KAZN: variants seen among roughly 807,000 people sequenced by gnomAD.
KAZN encodes the protein kazrin.
Under a neutral mutation model 87.4 loss-of-function variants are expected in KAZN, and 40 were observed. The observed-to-expected ratio is 0.46, with a 90% CI of 0.36 to 0.60. KAZN has a LOEUF of 0.60. Among genes scored for constraint, KAZN ranks in the 20% least tolerant of loss-of-function variants. KAZN has a pLI of 0.00. For missense variants in KAZN, 898 were observed against 1,073.9 expected (o/e 0.84, Z 2.29); for synonymous variants, 466 against 458.3 (o/e 1.02, Z -0.22).
chr1:14,659,427 G>T (rs1245470625), intron 1 of KAZN, among the ~76,000 whole-genome samples: 2 of 152,030 alleles, frequency 1.3e-5, no homozygotes, highest in African/African-American at 2.4e-5. Context: ...ATGGGGGGAA[G>T]TATTGGGAAG....
At chr1:14,111,740 C>CTTTTTTTTT (rs68167208) in intron 1 of KAZN, among the ~76,000 whole-genome samples, 8 of 80,784 alleles carry the variant, frequency 9.9e-5, no homozygotes, top group African/African-American at 3.2e-4. Flanking sequence ...AGATTCTTTT[C>CTTTTTTTTT]TTTTTTTTTT....
At chr1:14,217,539 G>A (rs1257419148) in intron 2 of KAZN, among the ~76,000 whole-genome samples, 1 of 151,924 alleles carries the variant, frequency 6.6e-6, no homozygotes, top group Non-Finnish European at 1.5e-5. Context: ...AAGGATTTGA[G>A]GGAAAGTGAC....
chr1:14,810,221 C>T (rs901821752), intron 1 of KAZN, among the ~76,000 whole-genome samples: 29 of 152,108 alleles, frequency 1.9e-4, no homozygotes, highest in African/African-American at 7.0e-4. Flanking sequence ...GGCCGAGGTA[C>T]CTTAGAGGGC....
intron 1 of KAZN, among the ~76,000 whole-genome samples, chr1:14,676,473 C>T (rs1280711455): frequency 6.6e-6 from 1 of 152,152 alleles, no homozygotes; most frequent in Non-Finnish European, 1.5e-5. Context: ...ATGATGCTTG[C>T]TCTGTCCTCC....
Position 14,876,303 on chromosome 1 carries a change from C to T in KAZN, c.227-84381C>T, listed in dbSNP as rs72870370. Among the ~76,000 whole-genome samples the T allele has an allele frequency of 3.3e-3, 510 of 152,320 alleles. 3 individuals are homozygous for T. Among genetic ancestry groups the T allele is most frequent in the African/African-American group, 0.012 (483 of 41,554 alleles). ...GTGGTAGCTGCGTTTATTACATGCG[C>T]AAATGCAGCCAGCAGCCAGAATGAC... On this transcript the variant is annotated intron_variant, in intron 1 of 14. Coordinates refer to ENST00000376030, the MANE Select transcript of KAZN (RefSeq NM_201628.3).
intron 1 of KAZN, among the ~76,000 whole-genome samples, chr1:13,948,916 G>A (rs1273187160): frequency 2.0e-5 from 3 of 152,204 alleles, no homozygotes; most frequent in Non-Finnish European, 4.4e-5. Context: ...CTTGGCTAAG[G>A]TCACTCGGGT....
In KAZN at chr1:14,941,433, T is replaced by C. The variant is rs114684825; in HGVS notation, c.227-19251T>C. Among the ~76,000 whole-genome samples, 209 of 152,000 alleles carry C rather than the reference T, an allele frequency of 1.4e-3. 1 individual carries two copies. Among genetic ancestry groups the C allele is most frequent in the African/African-American group, 3.7e-3 (154 of 41,438 alleles). On this transcript the variant is annotated intron_variant, in intron 1 of 14. Coordinates refer to ENST00000376030, the MANE Select transcript of KAZN (RefSeq NM_201628.3). ...ATTACAAAAAAGAGGAGGGCAAAGA[T>C]GGAACAATACATTAACTGCCGACCA...
chr1:14,261,533 T>C (rs1255297462), intron 2 of KAZN, among the ~76,000 whole-genome samples: 2 of 152,154 alleles, frequency 1.3e-5, no homozygotes, highest in Non-Finnish European at 2.9e-5. Context: ...ACCAAGTTGC[T>C]GCTTTACCTG....
At chr1:14,819,055 CA>C (rs891473866) in intron 1 of KAZN, among the ~76,000 whole-genome samples, 17 of 151,198 alleles carry the variant, frequency 1.1e-4, no homozygotes, top group Non-Finnish European at 2.4e-4. Flanking sequence ...AACTCTGTCT[CA>C]AAAAAAAATT....
intron 1 of KAZN, among the ~76,000 whole-genome samples, chr1:14,902,536 A>T (rs1409844947): frequency 1.3e-5 from 2 of 151,934 alleles, no homozygotes; most frequent in Non-Finnish European, 2.9e-5. Context: ...CCAGAACTGC[A>T]ATTTTTTTAA....
chr1:14,142,819 G>T (rs1032580383), intron 1 of KAZN, among the ~76,000 whole-genome samples: 36 of 152,198 alleles, frequency 2.4e-4, no homozygotes, highest in African/African-American at 8.2e-4. Flanking sequence ...TTCTCAGGGA[G>T]CTGAATCACA....
intron 2 of KAZN, among the ~76,000 whole-genome samples, chr1:14,278,926 CTT>C (rs77998358): frequency 1.0e-5 from 1 of 97,746 alleles, no homozygotes; most frequent in African/African-American, 4.4e-5. Flanking sequence ...TCAAATTCAG[CTT>C]TTTTTTTTTT....
intron 2 of KAZN, among the ~76,000 whole-genome samples, chr1:14,987,309 A>G (rs1385020254): frequency 6.6e-6 from 1 of 152,152 alleles, no homozygotes; most frequent in Non-Finnish European, 1.5e-5. Context: ...CCTGGCCAAC[A>G]TGGTGAAACC....
chr1:14,422,568 G>T (rs1312375616), intron 2 of KAZN, among the ~76,000 whole-genome samples: 1 of 152,212 alleles, frequency 6.6e-6, no homozygotes, highest in Non-Finnish European at 1.5e-5. Context: ...GAAACAAAAA[G>T]AAAAGTCTCA....
At chr1:14,419,952 A>T (rs768423766) in intron 2 of KAZN, among the ~76,000 whole-genome samples, 6 of 152,156 alleles carry the variant, frequency 3.9e-5, no homozygotes, top group Non-Finnish European at 7.3e-5. Context: ...CACAAGGTGG[A>T]AGGGAACATT....
chr1:14,913,078 G>C (rs925492960), intron 1 of KAZN, among the ~76,000 whole-genome samples: 1 of 152,168 alleles, frequency 6.6e-6, no homozygotes, highest in Non-Finnish European at 1.5e-5. Flanking sequence ...CGGGCAACTG[G>C]GAGGCCCCGA....
At chr1:14,098,624 A>G (rs926343258) in intron 1 of KAZN, among the ~76,000 whole-genome samples, 2 of 152,140 alleles carry the variant, frequency 1.3e-5, no homozygotes, top group South Asian at 2.1e-4. Flanking sequence ...CCCAGACTGC[A>G]TTACCCTTGG....
chr1:14,563,460 A>G (rs1674367648), intron 2 of KAZN, among the ~76,000 whole-genome samples: 1 of 152,168 alleles, frequency 6.6e-6, no homozygotes. Flanking sequence ...TGCTTCTATC[A>G]TGGTCTGTCT....
intron 1 of KAZN, among the ~76,000 whole-genome samples, chr1:14,842,260 T>A (rs1222493000): frequency 6.6e-6 from 1 of 152,262 alleles, no homozygotes. Flanking sequence ...ATTCATTTTT[T>A]GTTGAATGCA....
Sources: gnomAD v4.1 joint callset for allele counts (sites outside exome capture counted in the v4.1 genomes callset) on GRCh38, gnomAD v4.1.1 for gene constraint, MANE v1.5 for transcripts, NCBI Gene and HGNC (gene_info 2026-07-23, HGNC 2026-07-21) for gene names.